Variants in GPAM observed in about 807,000 individuals in gnomAD.
The protein encoded by GPAM is glycerol-3-phosphate acyltransferase 1, mitochondrial.
In GPAM, 56 loss-of-function variants were observed where a neutral mutation model predicts 105.0. That is an observed-to-expected ratio of 0.53 (90% CI 0.43 to 0.67). The LOEUF (loss-of-function observed/expected upper bound fraction) is 0.67. GPAM is among the 30% of genes least tolerant of loss of function. GPAM has a pLI of 0.00. For missense variants in GPAM, 855 were observed against 989.8 expected, an observed-to-expected ratio of 0.86 and a Z score of 1.83; for synonymous variants, 368 against 354.4, an observed-to-expected ratio of 1.04 and a Z score of -0.43.
At chr10:112,168,728 C>CCA (rs1589588074) in intron 10 of GPAM, 125 bp downstream of exon 10, 2 of 776,796 alleles carry the variant, frequency 2.6e-6, no homozygotes, top group East Asian at 5.0e-5. Flanking sequence ...TTACCAAACT[C>CCA]AAGCAATAAT....
intron 19 of GPAM, 38 bp from the exon 20 acceptor site, chr10:112,156,091 G>A (rs752184314): frequency 1.8e-5 from 26 of 1,463,092 alleles, no homozygotes; most frequent in South Asian, 1.7e-4. Context: ...TCATGAGGAA[G>A]GGACAAGAGA....
In GPAM at chr10:112,180,530, C is replaced by T; in HGVS notation, c.168G>A (p.Met56Ile). The change falls in exon 4 of 22, where the codon ATG (methionine) becomes ATA (isoleucine). Residue 56 changes from methionine (M) to isoleucine (I), a missense_variant. Met to Ile is a conservative substitution (Grantham distance 10). Coordinates refer to ENST00000348367, the MANE Select transcript of GPAM (RefSeq NM_001244949.2). Reference sequence around the variant, plus strand: ...TTCCAACAAATGGCCTTTTCCGACTCATTAGGCTTTCTTTCCATTTTAAAG... The same window carrying T: ...TTCCAACAAATGGCCTTTTCCGACTTATTAGGCTTTCTTTCCATTTTAAAG... ...SATLKWKESLMSRKRPFVGRC... is the reference protein window; with the variant it reads ...SATLKWKESLISRKRPFVGRC... 6.2e-7 allele frequency: 1 copy of T among 1,613,086 alleles called. No homozygotes were observed. The highest frequency in any genetic ancestry group is 8.5e-7 in the Non-Finnish European group (1 of 1,179,082).
chr10:112,206,878 C>T (rs1847857817), intron 1 of GPAM, among the ~76,000 whole-genome samples: 1 of 151,296 alleles, frequency 6.6e-6, no homozygotes, highest in African/African-American at 2.4e-5. Flanking sequence ...ATCTTCTTCA[C>T]TCTACCTCCA....
At position 112,159,525 on chromosome 10, in the gene GPAM, G is replaced by A. The variant is rs565447698; in HGVS notation, c.1902+386C>T. Among the ~76,000 whole-genome samples the A allele has an allele frequency of 8.5e-5, 13 of 152,236 alleles. No individual in the cohort carries two copies. The South Asian group carries it at 1.5e-3, about 17-fold the overall frequency. On this transcript the variant is annotated intron_variant, in intron 17 of 21. Transcript: ENST00000348367. ...GGCGTGAGCCACCGCACCTGGCCGA[G>A]CAGATGATTTTTAAGGCTGCTTCTG...
chr10:112,154,986 C>T (rs1846989186), intron 20 of GPAM: 1 of 468,116 alleles, frequency 2.1e-6, no homozygotes, highest in Non-Finnish European at 3.9e-6. Context: ...ATACCTAAAA[C>T]ATCCATTTTC....
intron 1 of GPAM, among the ~76,000 whole-genome samples, chr10:112,191,930 T>C (rs1847664065): frequency 6.6e-6 from 1 of 152,060 alleles, no homozygotes; most frequent in African/African-American, 2.4e-5. Flanking sequence ...AGAATGACAG[T>C]CCAGCACCTT....
chr10:112,152,534 C>T lies in GPAM; in HGVS notation c.*1016G>A. 1 of 985,000 alleles carries T rather than the reference C, an allele frequency of 1.0e-6. No homozygotes were observed. Among genetic ancestry groups the T allele is most frequent in the East Asian group, 1.1e-4 (1 of 8,816 alleles). The allele number at this position is 985,000 out of a possible 1,614,324, so 61.0% of individuals were successfully genotyped here. A position where few individuals can be genotyped will look rare whatever the true frequency, so the allele number is the denominator to read the frequency against. The stretch of plus-strand genomic sequence containing the variant: ...CACAACTCGAGTGGGTACCAGTCAC[C>T]TGGACTGGGGTGCAGTACACAATCT... On this transcript the variant is annotated 3_prime_UTR_variant, in exon 22 of 22. Coordinates refer to ENST00000348367, the MANE Select transcript of GPAM (RefSeq NM_001244949.2).
upstream of GPAM, among the ~76,000 whole-genome samples, chr10:112,185,569 CAG>C (rs1331717396): frequency 1.8e-5 from 2 of 109,378 alleles, no homozygotes; most frequent in African/African-American, 7.5e-5. Context: ...CACACACACA[CAG>C]ACACACACAC....
At chr10:112,214,775 G>A (rs766434073) in intron 1 of GPAM, among the ~76,000 whole-genome samples, 16 of 152,236 alleles carry the variant, frequency 1.1e-4, no homozygotes, top group Non-Finnish European at 1.9e-4. Flanking sequence ...ATTTGGTGAC[G>A]TTTCAAGCTA....
chr10:112,218,095 T>C (rs901982328), upstream of GPAM, among the ~76,000 whole-genome samples: 9 of 152,222 alleles, frequency 5.9e-5, no homozygotes, highest in African/African-American at 2.2e-4. Flanking sequence ...CAAAGGAAGA[T>C]AGAAATCTGA....
In GPAM at chr10:112,171,663, C is replaced by A. The variant is rs370362913; in HGVS notation, c.794+519G>T. ...CTCCGCATTTGCACATACTATTTCC[C>A]CTGAATGGAACGCATTGAGGAAAAC... On this transcript the variant is annotated intron_variant, in intron 9 of 21. Coordinates refer to ENST00000348367, the MANE Select transcript of GPAM (RefSeq NM_001244949.2). Among the ~76,000 whole-genome samples the A allele has an allele frequency of 3.3e-5, 5 of 152,162 alleles. No individual in the cohort carries two copies. The East Asian group carries it at 7.7e-4, about 23-fold the overall frequency.
intron 1 of GPAM, among the ~76,000 whole-genome samples, chr10:112,189,849 T>C (rs1847635652): frequency 6.6e-6 from 1 of 152,210 alleles, no homozygotes; most frequent in Non-Finnish European, 1.5e-5. Context: ...CCTCTACCTG[T>C]GTAAGCCATT....
At chr10:112,184,740 T>G (rs1360690715), upstream of GPAM, among the ~76,000 whole-genome samples, 1 of 152,172 alleles carries the variant, frequency 6.6e-6, no homozygotes, top group Non-Finnish European at 1.5e-5. Context: ...GCAGACTCCC[T>G]GAGTTGAAGA....
At chr10:112,206,638 G>A (rs1186070068) in intron 1 of GPAM, among the ~76,000 whole-genome samples, 1 of 116,142 alleles carries the variant, frequency 8.6e-6, no homozygotes, top group Admixed American at 1.0e-4. Context: ...ATGGACACAG[G>A]AAGGGGAATA....
chr10:112,172,093 A>T lies in GPAM; in HGVS notation c.794+89T>A, dbSNP rs1004081658. On this transcript the variant is annotated intron_variant, in intron 9 of 21. Coordinates refer to ENST00000348367, the MANE Select transcript of GPAM (RefSeq NM_001244949.2). ...GAAAAAAGGCTAATGTCATCTTTAC[A>T]ATAACATATCGAAAGCTATAATTTA... is the stretch of plus-strand genomic sequence containing the variant. 1.1e-5 allele frequency: 11 copies of T among 977,792 alleles called. No homozygotes were observed. The Middle Eastern group carries it at 6.5e-4, about 58-fold the overall frequency. 60.6% of individuals were successfully genotyped at this position (977,792 alleles called of 1,614,324 possible).
intron 1 of GPAM, among the ~76,000 whole-genome samples, chr10:112,214,947 C>T (rs1469152770): frequency 6.6e-6 from 1 of 152,210 alleles, no homozygotes; most frequent in Admixed American, 6.5e-5. Flanking sequence ...CACAAACGTG[C>T]TTGCACCTCT....
intron 1 of GPAM, among the ~76,000 whole-genome samples, chr10:112,206,627 C>A (rs1431242741): frequency 1.1e-3 from 123 of 117,114 alleles, no homozygotes; most frequent in Admixed American, 1.8e-3. Context: ...AATGAGATCA[C>A]ATGGACACAG....
At chr10:112,159,282 G>A (rs745316845) in intron 17 of GPAM, among the ~76,000 whole-genome samples, 12 of 143,268 alleles carry the variant, frequency 8.4e-5, no homozygotes, top group Non-Finnish European at 1.7e-4. Context: ...GAACAGTGGC[G>A]CAATCTCAGC....
Position 112,176,080 on chromosome 10 carries a change from T to A in GPAM, c.300-367A>T, listed in dbSNP as rs1053368820. ...CTATTCTGATAAACCATACAGCTTA[T>A]ATTTATAGCTATGGGCTATAAAAAG... On this transcript the variant is annotated intron_variant, in intron 5 of 21. Coordinates refer to ENST00000348367, the MANE Select transcript of GPAM (RefSeq NM_001244949.2). Among the ~76,000 whole-genome samples the A allele has an allele frequency of 3.9e-5, 6 of 152,362 alleles. No homozygotes were observed. The East Asian group carries it at 1.2e-3, about 29-fold the overall frequency.
Sources: allele counts gnomAD v4.1 joint callset (sites outside exome capture counted in the v4.1 genomes callset), GRCh38; gene constraint gnomAD v4.1.1; transcripts MANE v1.5; gene names NCBI Gene and HGNC (gene_info 2026-07-23, HGNC 2026-07-21).